IQCK: variants seen among roughly 807,000 people sequenced by gnomAD.
IQCK encodes IQ motif containing K.
A neutral mutation model predicts 28.1 loss-of-function variants in IQCK; 29 were observed. The observed-to-expected ratio is 1.03, with a 90% confidence interval of 0.77 to 1.41. The LOEUF (loss-of-function observed/expected upper bound fraction) is 1.41. IQCK is among the 40% of genes most tolerant of loss of function. IQCK has a pLI of 0.00. For synonymous variants in IQCK, 113 were observed against 115.1 expected, an observed-to-expected ratio of 0.98 and a Z score of 0.12; for missense variants, 359 against 314.7, an observed-to-expected ratio of 1.14 and a Z score of -1.07.
chr16:19,764,027 A>T lies in IQCK; in HGVS notation c.528-8A>T, dbSNP rs1298111574. 1.2e-6 allele frequency: 2 copies of T among 1,613,762 alleles called. No homozygotes were observed. The highest frequency in any genetic ancestry group is 1.7e-5 in the Admixed American group (1 of 59,994). ...TCTTGTCAATCAAACATATGGCATC[A>T]TGACCAGCCAAAATCCAAAGAGGGC... is the stretch of plus-strand genomic sequence containing the variant. On this transcript the variant is annotated splice_polypyrimidine_tract_variant and splice_region_variant and intron_variant, in intron 5 of 7. Coordinates refer to ENST00000564186, the Ensembl canonical transcript of IQCK.
At chr16:19,747,452 C>A (rs2054926469) in intron 4 of IQCK, among the ~76,000 whole-genome samples, 1 of 151,628 alleles carries the variant, frequency 6.6e-6, no homozygotes, top group Admixed American at 6.6e-5. Context: ...AAGCAAGTCA[C>A]AAGGCCAGCC....
intron 4 of IQCK, among the ~76,000 whole-genome samples, chr16:19,740,120 A>AT (rs986629051): frequency 3.9e-5 from 6 of 152,106 alleles, no homozygotes; most frequent in African/African-American, 1.4e-4. Flanking sequence ...AGAGATACTG[A>AT]TTTTTTTTCA....
intron 6 of IQCK, among the ~76,000 whole-genome samples, chr16:19,769,215 C>T (rs887723067): frequency 2.0e-5 from 3 of 152,196 alleles, no homozygotes; most frequent in Non-Finnish European, 4.4e-5. Context: ...CCTCCATTTC[C>T]ATCACATGCT....
chr16:19,815,656 G>A (rs1025642402), intron 7 of IQCK, among the ~76,000 whole-genome samples: 1 of 152,166 alleles, frequency 6.6e-6, no homozygotes, highest in African/African-American at 2.4e-5. Context: ...GGGCAACAGA[G>A]CAAGATCCTG....
At chr16:19,729,671 G>C (rs1977767840) in intron 1 of IQCK, among the ~76,000 whole-genome samples, 2 of 151,356 alleles carry the variant, frequency 1.3e-5, no homozygotes, top group Non-Finnish European at 2.9e-5. Context: ...TTGAGATGGA[G>C]TCTCGCTCTG....
intron 9 of IQCK, among the ~76,000 whole-genome samples, chr16:19,839,458 G>C (rs2141109448): frequency 6.6e-6 from 1 of 151,652 alleles, no homozygotes; most frequent in Non-Finnish European, 1.5e-5. Flanking sequence ...ACCACACCCG[G>C]CCAGTCACCC....
intron 4 of IQCK, among the ~76,000 whole-genome samples, chr16:19,745,301 A>G (rs961368252): frequency 2.6e-5 from 4 of 152,174 alleles, no homozygotes; most frequent in African/African-American, 7.2e-5. Context: ...TCTGGCATTT[A>G]AATGCTCACT....
At chr16:19,848,624 A>G (rs2056441440) in intron 9 of IQCK, among the ~76,000 whole-genome samples, 1 of 152,190 alleles carries the variant, frequency 6.6e-6, no homozygotes, top group South Asian at 2.1e-4. Flanking sequence ...TACTGGTGCC[A>G]CCAGTACCAC....
At chr16:19,803,820 T>C (rs1001832026) in intron 7 of IQCK, among the ~76,000 whole-genome samples, 3 of 151,900 alleles carry the variant, frequency 2.0e-5, no homozygotes, top group Non-Finnish European at 4.4e-5. Context: ...AAACAGCTAA[T>C]TTTTTTTGTA....
intron 9 of IQCK, among the ~76,000 whole-genome samples, chr16:19,853,932 T>G (rs1597616264): frequency 6.6e-6 from 1 of 152,228 alleles, no homozygotes; most frequent in East Asian, 1.9e-4. Flanking sequence ...CCAGCCTGTC[T>G]GCCAACTCTC....
At chr16:19,733,974 C>T (rs776258154) in intron 3 of IQCK, 147 bp downstream of exon 3, 125 of 675,194 alleles carry the variant, frequency 1.9e-4, no homozygotes, top group Non-Finnish European at 2.7e-4. Context: ...AGAGACATGT[C>T]CTTTATTTCA....
At chr16:19,719,532 G>A (rs1158123781) in intron 1 of IQCK, among the ~76,000 whole-genome samples, 2 of 151,324 alleles carry the variant, frequency 1.3e-5, no homozygotes, top group African/African-American at 4.9e-5. Flanking sequence ...TGGCGTTGCA[G>A]TGAGCCGAGT....
chr16:19,779,781 G>A (rs7188865), intron 6 of IQCK, among the ~76,000 whole-genome samples: 7,775 of 150,594 alleles, frequency 0.052, 634 homozygotes, highest in African/African-American at 0.17. Flanking sequence ...GCAGTGGTGC[G>A]ATCTCGGCTC....
At position 19,814,059 on chromosome 16, in the gene IQCK, A is replaced by C. The variant is rs559312922; in HGVS notation, c.691-12967A>C. Reference sequence around the variant, plus strand: ...GTGGTGAAACCCTGTCTCTACTAAAAATACAAAAAAATTAGTTGGGTGTGG... The same window carrying C: ...GTGGTGAAACCCTGTCTCTACTAAACATACAAAAAAATTAGTTGGGTGTGG... On this transcript the variant is annotated intron_variant, in intron 7 of 7. Transcript: ENST00000564186. Among the ~76,000 whole-genome samples, 4 of 152,126 alleles carry C rather than the reference A, an allele frequency of 2.6e-5. No individual in the cohort carries two copies. In the East Asian group the frequency reaches 5.8e-4, roughly 22 times the overall value.
intron 1 of IQCK, among the ~76,000 whole-genome samples, chr16:19,727,135 A>G (rs1977680933): frequency 6.7e-6 from 1 of 150,000 alleles, no homozygotes; most frequent in Admixed American, 6.6e-5. Flanking sequence ...GGTCTCAAAA[A>G]AAAAAAAAGA....
intron 7 of IQCK, among the ~76,000 whole-genome samples, chr16:19,826,254 TG>T (rs1251685799): frequency 1.3e-5 from 2 of 152,136 alleles, no homozygotes; most frequent in African/African-American, 4.8e-5. Flanking sequence ...GCAATCCTCC[TG>T]CCTTGGCCTC....
intron 4 of IQCK, among the ~76,000 whole-genome samples, chr16:19,757,980 C>T (rs2055075901): frequency 6.6e-6 from 1 of 152,152 alleles, no homozygotes. Flanking sequence ...TAACCCTTGA[C>T]ACCTAGTCTT....
At position 19,774,398 on chromosome 16, in the gene IQCK, CT is replaced by C. The variant is rs1167894201; in HGVS notation, c.605+10313del. Among the ~76,000 whole-genome samples, 877 of 104,028 alleles carry C rather than the reference CT, an allele frequency of 8.4e-3. 1 individual carries two copies. Among genetic ancestry groups the C allele is most frequent in the South Asian group, 0.012 (31 of 2,502 alleles). 68.2% of individuals were successfully genotyped at this position (104,028 alleles called of 152,430 possible). On this transcript the variant is annotated intron_variant, in intron 6 of 7. Coordinates refer to ENST00000564186, the Ensembl canonical transcript of IQCK. ...AAGGGAATTATTTATTTAGCTAATA[CT>C]TTTTTTTTTTTTTTTTTTTTTTTTT...
chr16:19,826,329 T>G (rs1186030100), intron 7 of IQCK, among the ~76,000 whole-genome samples: 1 of 152,108 alleles, frequency 6.6e-6, no homozygotes, highest in Non-Finnish European at 1.5e-5. Context: ...TAATATTAAT[T>G]ACATGTTGAA....
Sources: allele counts gnomAD v4.1 joint callset (sites outside exome capture counted in the v4.1 genomes callset), GRCh38; gene constraint gnomAD v4.1.1; transcripts MANE v1.5; gene names NCBI Gene and HGNC (gene_info 2026-07-23, HGNC 2026-07-21).